Variants in PTCHD4 observed in about 807,000 individuals in gnomAD.
PTCHD4 encodes the protein patched domain containing 4.
In PTCHD4, 33 loss-of-function variants were observed where a neutral mutation model predicts 58.1. The observed-to-expected ratio is 0.57, with a 90% CI of 0.43 to 0.76. The LOEUF (loss-of-function observed/expected upper bound fraction) is 0.76, where lower values mean the gene tolerates loss of function less well. Among genes scored for constraint, PTCHD4 ranks in the 30% least tolerant of loss-of-function variants. PTCHD4 has a pLI of 0.00. For missense variants in PTCHD4, 1,058 were observed against 1,027.1 expected (o/e 1.03, Z -0.41); for synonymous variants, 478 against 409.6 (o/e 1.17, Z -2.02).
At chr6:47,894,782 G>T (rs566219744) in intron 4 of PTCHD4, among the ~76,000 whole-genome samples, 1 of 152,144 alleles carries the variant, frequency 6.6e-6, no homozygotes, top group East Asian at 1.9e-4. Context: ...TTTCCATCTT[G>T]ATAATGTCCA....
intron 4 of PTCHD4, among the ~76,000 whole-genome samples, chr6:47,958,863 C>T (rs1259574242): frequency 6.6e-6 from 1 of 152,156 alleles, no homozygotes; most frequent in Non-Finnish European, 1.5e-5. Flanking sequence ...ACAGAAGGGT[C>T]TTCCATCAGT....
chr6:48,015,046 C>G (rs1187766220), intron 3 of PTCHD4, among the ~76,000 whole-genome samples: 1 of 150,560 alleles, frequency 6.6e-6, no homozygotes, highest in African/African-American at 2.5e-5. Context: ...TCAACTTCTT[C>G]TTTTCCCCAA....
At chr6:47,934,934 TTAAG>T (rs1214532566) in intron 4 of PTCHD4, among the ~76,000 whole-genome samples, 2 of 152,200 alleles carry the variant, frequency 1.3e-5, no homozygotes, top group Middle Eastern at 3.2e-3. Flanking sequence ...TAGTATTAAA[TTAAG>T]TTTTAAAATA....
At chr6:47,883,114 C>A (rs1228690291) in intron 4 of PTCHD4, among the ~76,000 whole-genome samples, 1 of 151,948 alleles carries the variant, frequency 6.6e-6, no homozygotes, top group Non-Finnish European at 1.5e-5. Context: ...TATTTACTTT[C>A]ATTCAATGCA....
chr6:47,898,271 C>T (rs192755948), intron 4 of PTCHD4, among the ~76,000 whole-genome samples: 1 of 152,228 alleles, frequency 6.6e-6, no homozygotes, highest in Non-Finnish European at 1.5e-5. Flanking sequence ...AAACATCATT[C>T]TATATTCTAA....
At chr6:48,033,112 A>G (rs1453599058) in intron 3 of PTCHD4, among the ~76,000 whole-genome samples, 1 of 152,148 alleles carries the variant, frequency 6.6e-6, no homozygotes, top group Non-Finnish European at 1.5e-5. Flanking sequence ...TCTAATTTAT[A>G]CATGAAATTC....
chr6:47,917,199 A>T (rs1161299252), intron 4 of PTCHD4, among the ~76,000 whole-genome samples: 1 of 152,112 alleles, frequency 6.6e-6, no homozygotes, highest in Non-Finnish European at 1.5e-5. Flanking sequence ...TATTTTTTTC[A>T]ATAATGCTAT....
At chr6:47,971,203 T>C (rs1767492175) in intron 4 of PTCHD4, among the ~76,000 whole-genome samples, 1 of 151,632 alleles carries the variant, frequency 6.6e-6, no homozygotes, top group African/African-American at 2.4e-5. Flanking sequence ...AGAAAGAACA[T>C]AAAAACTATA....
In PTCHD4 at chr6:47,974,336, C is replaced by T. The variant is rs191457677; in HGVS notation, c.898+34298G>A. 5.2e-3 allele frequency among the ~76,000 whole-genome samples: 798 copies of T among 152,246 alleles called. 2 individuals are homozygous for T. Among genetic ancestry groups the T allele is most frequent in the Middle Eastern group, 0.01 (3 of 294 alleles). On this transcript the variant is annotated intron_variant, in intron 4 of 4. Transcript: ENST00000339488. ...CTTCCTAATGTATTTTGTTCTATTACGGAGCCAAATACATTCATTGTAATT... is the reference window on the plus strand; with the variant it reads ...CTTCCTAATGTATTTTGTTCTATTATGGAGCCAAATACATTCATTGTAATT...
Position 48,068,558 on chromosome 6 carries a change from C to G in PTCHD4, c.89G>C (p.Arg30Thr). The G allele has an allele frequency of 2.5e-6, 4 of 1,599,094 alleles. No homozygotes were observed. Among genetic ancestry groups the G allele is most frequent in the Non-Finnish European group, 2.6e-6 (3 of 1,175,468 alleles). The change falls in exon 3 of 5, where the codon AGG (arginine) becomes ACG (threonine). Residue 30 changes from arginine (R) to threonine (T), a missense_variant. By Grantham distance (71) the Arg-to-Thr change is moderately conservative. Coordinates refer to ENST00000339488, the MANE Select transcript of PTCHD4 (RefSeq NM_001384253.1). This position sits in a 1 kb window ranked among gnomAD's most constrained non-coding sequence, Gnocchi z 4.2. ...GTGCCGGCTCACGCACAAACCCAGC[C>G]TGTGGCAGAACGACTGGAGCCCTCT... is the stretch of plus-strand genomic sequence containing the variant. ...LRRGLQSFCH[R>T]LGLCVSRHPV...
At chr6:48,064,554 G>A (rs1290506634) in intron 3 of PTCHD4, among the ~76,000 whole-genome samples, 1 of 152,016 alleles carries the variant, frequency 6.6e-6, no homozygotes, top group East Asian at 1.9e-4. Context: ...TATTTTAATA[G>A]TTGAAAAAAA....
At position 47,879,721 on chromosome 6, in the gene PTCHD4, T is replaced by TAG. The variant is rs1258388554; in HGVS notation, c.1112_1113dup (p.Ile372LeufsTer4). On this transcript the variant is annotated frameshift_variant, in exon 5 of 5. Transcript: ENST00000339488. LOFTEE classifies it high-confidence loss of function. Reference sequence around the variant, plus strand: ...AAAATGTAGAAGTAGTTCAACAGAATAGAGACACACATGTTTTGACAGAAG... The same window carrying TAG: ...AAAATGTAGAAGTAGTTCAACAGAATAGAGAGACACACATGTTTTGACAGAAG... 1 of 1,613,516 alleles carries TAG rather than the reference T, an allele frequency of 6.2e-7. No homozygotes were observed. Among genetic ancestry groups the TAG allele is most frequent in the Non-Finnish European group, 8.5e-7 (1 of 1,179,762 alleles).
intron 4 of PTCHD4, among the ~76,000 whole-genome samples, chr6:47,926,594 G>C (rs568646855): frequency 3.0e-4 from 45 of 152,238 alleles, no homozygotes; most frequent in African/African-American, 1.0e-3. Flanking sequence ...GCACATTATA[G>C]GCTTGAAAGT....
intron 4 of PTCHD4, among the ~76,000 whole-genome samples, chr6:47,931,554 C>A (rs1045387431): frequency 2.7e-4 from 41 of 152,110 alleles, no homozygotes; most frequent in Admixed American, 2.4e-3. Flanking sequence ...ATTGTAAAAT[C>A]GTTGCTGTTT....
In PTCHD4 at chr6:47,872,736, T is replaced by C. The variant is rs1393961125; in HGVS notation, c.*5567A>G. ...TATTATATTAAAAATATCTACCTTA[T>C]AGAGGTTTTCAGTTTAAGGTACACT... On this transcript the variant is annotated 3_prime_UTR_variant, in exon 5 of 5. Coordinates refer to ENST00000339488, the MANE Select transcript of PTCHD4 (RefSeq NM_001384253.1). Among the ~76,000 whole-genome samples, 3 of 151,622 alleles carry C rather than the reference T, an allele frequency of 2.0e-5. No individual in the cohort carries two copies. Among genetic ancestry groups the C allele is most frequent in the East Asian group, 1.9e-4 (1 of 5,154 alleles).
chr6:47,933,474 C>A (rs1765892584), intron 4 of PTCHD4, among the ~76,000 whole-genome samples: 1 of 152,186 alleles, frequency 6.6e-6, no homozygotes, highest in South Asian at 2.1e-4. Flanking sequence ...AAATAAATTT[C>A]AAAGTGATTA....
At chr6:47,900,171 G>A (rs1301123073) in intron 4 of PTCHD4, 1 of 152,078 alleles carries the variant, frequency 6.6e-6, no homozygotes, top group Non-Finnish European at 1.5e-5. Context: ...GAATCAAAAT[G>A]CTAATACTAA....
chr6:47,865,903 A>G lies in PTCHD4; in HGVS notation c.*12400T>C, dbSNP rs974101355. Reference sequence around the variant, plus strand: ...TGGTTTGTACAAATTCAACTCCTGTACTGGAAATGTACCCTCAAGCTAAAT... The same window carrying G: ...TGGTTTGTACAAATTCAACTCCTGTGCTGGAAATGTACCCTCAAGCTAAAT... On this transcript the variant is annotated 3_prime_UTR_variant, in exon 5 of 5. Transcript: ENST00000339488. 6.6e-6 allele frequency among the ~76,000 whole-genome samples: 1 copy of G among 151,898 alleles called. No individual in the cohort carries two copies. The highest frequency in any genetic ancestry group is 2.4e-5 in the African/African-American group (1 of 41,402).
intron 1 of PTCHD4, among the ~76,000 whole-genome samples, chr6:48,085,903 C>T (rs1352236219): frequency 2.0e-5 from 3 of 151,976 alleles, no homozygotes; most frequent in African/African-American, 4.8e-5. Flanking sequence ...CGTGTCATTG[C>T]TTAAAAAACA....
Sources: allele counts gnomAD v4.1 joint callset (sites outside exome capture counted in the v4.1 genomes callset), GRCh38; gene constraint gnomAD v4.1.1; non-coding constraint Gnocchi (gnomAD v3.1); transcripts MANE v1.5; gene names NCBI Gene and HGNC (gene_info 2026-07-23, HGNC 2026-07-21).